WDR25: variants seen among roughly 807,000 people sequenced by gnomAD.
The protein encoded by WDR25 is WD repeat-containing protein 25.
In WDR25, 35 loss-of-function variants were observed where a neutral mutation model predicts 47.7. That is an observed-to-expected ratio of 0.73 (90% CI 0.56 to 0.97). The LOEUF (loss-of-function observed/expected upper bound fraction) is 0.97. Among genes scored for constraint, WDR25 ranks in the 50% least tolerant of loss-of-function variants. The pLI is 0.00. For missense variants in WDR25, 634 were observed against 704.7 expected (o/e 0.90, Z 1.14); for synonymous variants, 248 against 278.9 (o/e 0.89, Z 1.10).
chr14:100,504,187 T>G (rs1246694862), intron 4 of WDR25, among the ~76,000 whole-genome samples: 9 of 152,204 alleles, frequency 5.9e-5, no homozygotes, highest in Non-Finnish European at 1.3e-4. Flanking sequence ...AAAAAACTGT[T>G]ATCCCATCTA....
intron 2 of WDR25, among the ~76,000 whole-genome samples, chr14:100,399,647 C>T (rs990682411): frequency 5.9e-5 from 9 of 152,148 alleles, no homozygotes; most frequent in African/African-American, 9.7e-5. Flanking sequence ...TTCTGCTTTC[C>T]GGATGCTTCT....
In WDR25 at chr14:100,425,961, C is replaced by G. The variant is rs1441793616; in HGVS notation, c.823-42060C>G. On this transcript the variant is annotated intron_variant, in intron 2 of 6. Transcript: ENST00000402312. This position sits in a 1 kb window ranked among gnomAD's most constrained non-coding sequence, Gnocchi z 4.8. ...GGACGCCGTCCTGACATTTCCACCC[C>G]AAATGGGATTTGCATAAGCCCAAAT... 6.6e-6 allele frequency among the ~76,000 whole-genome samples: 1 copy of G among 152,204 alleles called. No individual in the cohort carries two copies. Among genetic ancestry groups the G allele is most frequent in the Non-Finnish European group, 1.5e-5 (1 of 68,048 alleles).
chr14:100,391,414 C>T (rs1897143044), intron 2 of WDR25, among the ~76,000 whole-genome samples: 1 of 152,234 alleles, frequency 6.6e-6, no homozygotes, highest in South Asian at 2.1e-4. Context: ...GATGCTCCCC[C>T]ACACTGACGC....
chr14:100,415,983 C>T (rs1422968525), intron 2 of WDR25, among the ~76,000 whole-genome samples: 1 of 152,166 alleles, frequency 6.6e-6, no homozygotes, highest in Non-Finnish European at 1.5e-5. Context: ...TCTTCTGCAT[C>T]TCTGTCAGTG....
At chr14:100,473,116 A>G (rs1161402173) in intron 3 of WDR25, among the ~76,000 whole-genome samples, 1 of 152,212 alleles carries the variant, frequency 6.6e-6, no homozygotes. Context: ...CAGAAATGCT[A>G]CAAGGAAAAA....
intron 3 of WDR25, among the ~76,000 whole-genome samples, chr14:100,483,222 A>T (rs113091755): frequency 2.4e-4 from 36 of 152,206 alleles, no homozygotes; most frequent in African/African-American, 8.7e-4. Flanking sequence ...TGAAGTTTAT[A>T]TAGCTTACCT....
chr14:100,524,510 C>T (rs768758541), intron 4 of WDR25, among the ~76,000 whole-genome samples: 3 of 152,200 alleles, frequency 2.0e-5, no homozygotes, highest in Non-Finnish European at 4.4e-5. Flanking sequence ...CCGTGAGGGG[C>T]AGCTTGTCTC....
intron 2 of WDR25, among the ~76,000 whole-genome samples, chr14:100,406,315 G>T (rs1897537402): frequency 1.3e-5 from 2 of 152,184 alleles, no homozygotes; most frequent in Admixed American, 1.3e-4. Flanking sequence ...ACTCAGGAGG[G>T]GTATGAAGGG....
At chr14:100,394,549 C>T (rs908538835) in intron 2 of WDR25, among the ~76,000 whole-genome samples, 61 of 152,306 alleles carry the variant, frequency 4.0e-4, no homozygotes, top group African/African-American at 1.3e-3. Flanking sequence ...CTTTGCCAGG[C>T]CCTGGGATCA....
chr14:100,474,308 C>T (rs1233185657), intron 3 of WDR25, among the ~76,000 whole-genome samples: 1 of 152,232 alleles, frequency 6.6e-6, no homozygotes, highest in Non-Finnish European at 1.5e-5. Context: ...AACTTCATTA[C>T]AACACCATGC....
At chr14:100,465,003 A>G (rs1325645985) in intron 2 of WDR25, among the ~76,000 whole-genome samples, 1 of 148,468 alleles carries the variant, frequency 6.7e-6, no homozygotes, top group African/African-American at 2.5e-5. Flanking sequence ...TCTCCCCTAC[A>G]TGTTCCACCC....
intron 1 of WDR25, 187 bp downstream of exon 1, chr14:100,376,682 T>G: frequency 8.1e-7 from 1 of 1,231,510 alleles, no homozygotes. Flanking sequence ...TAACTCCTAT[T>G]CATCCTTCAA....
At chr14:100,435,065 C>T (rs1311189791) in intron 2 of WDR25, among the ~76,000 whole-genome samples, 1 of 152,252 alleles carries the variant, frequency 6.6e-6, no homozygotes, top group Admixed American at 6.5e-5. Context: ...AGCACAGCCC[C>T]CACCAGGCGT....
chr14:100,497,968 G>A lies in WDR25; in HGVS notation c.1101+13844G>A, dbSNP rs76268322. Among the ~76,000 whole-genome samples the A allele has an allele frequency of 4.1e-3, 629 of 152,304 alleles. 21 individuals are homozygous for A. In the East Asian group the frequency reaches 0.081, roughly 20 times the overall value. ...GGTATCCCCAGACTGTGTGTGTGCTGGCATCTGGTCAGCAGTTCATTCACT... is the reference window on the plus strand; with the variant it reads ...GGTATCCCCAGACTGTGTGTGTGCTAGCATCTGGTCAGCAGTTCATTCACT... On this transcript the variant is annotated intron_variant, in intron 4 of 6. Coordinates refer to ENST00000402312, the MANE Select transcript of WDR25 (RefSeq NM_001161476.3).
intron 2 of WDR25, among the ~76,000 whole-genome samples, chr14:100,432,532 T>C (rs1237934446): frequency 6.6e-6 from 1 of 152,244 alleles, no homozygotes. Context: ...AAGAACAGTA[T>C]CAAGAATCCC....
At chr14:100,464,695 C>G (rs114023731) in intron 2 of WDR25, among the ~76,000 whole-genome samples, 4 of 145,356 alleles carry the variant, frequency 2.8e-5, no homozygotes, top group East Asian at 2.0e-4. Flanking sequence ...TCTCCCCTCC[C>G]CATCTCATCC....
At chr14:100,517,041 C>A (rs1901521824) in intron 4 of WDR25, among the ~76,000 whole-genome samples, 1 of 150,910 alleles carries the variant, frequency 6.6e-6, no homozygotes, top group Non-Finnish European at 1.5e-5. Flanking sequence ...AGCAGTCCTC[C>A]CACTTCAGCT....
intron 3 of WDR25, among the ~76,000 whole-genome samples, chr14:100,480,235 C>T (rs1900154245): frequency 6.6e-6 from 1 of 152,180 alleles, no homozygotes; most frequent in Non-Finnish European, 1.5e-5. Flanking sequence ...TTTACAGTCC[C>T]TTCTCCATAC....
intron 1 of WDR25, among the ~76,000 whole-genome samples, chr14:100,377,065 A>G (rs1896710761): frequency 6.6e-6 from 1 of 152,134 alleles, no homozygotes; most frequent in Non-Finnish European, 1.5e-5. Flanking sequence ...CTCTTCGTTT[A>G]ATCCCTCATC....
Sources: allele counts gnomAD v4.1 joint callset (sites outside exome capture counted in the v4.1 genomes callset), GRCh38; gene constraint gnomAD v4.1.1; non-coding constraint Gnocchi (gnomAD v3.1); transcripts MANE v1.5; gene names NCBI Gene and HGNC (gene_info 2026-07-23, HGNC 2026-07-21).